FARS2: variants seen among roughly 807,000 people sequenced by gnomAD.
FARS2 encodes phenylalanine--tRNA ligase, mitochondrial.
In FARS2, 40 loss-of-function variants were observed where a neutral mutation model predicts 46.4. The observed-to-expected ratio is 0.86, with a 90% CI of 0.67 to 1.12. The LOEUF (loss-of-function observed/expected upper bound fraction) is 1.12. Ranked by LOEUF, FARS2 falls within the 50% of genes most tolerant of loss-of-function variation. The probability of loss-of-function intolerance (pLI) is 0.00; values close to 1 mark genes in which losing one functional copy is unlikely to be tolerated. For synonymous variants in FARS2, 234 were observed against 214.9 expected (o/e 1.09, Z -0.78); for missense variants, 513 against 567.9 (o/e 0.90, Z 0.98).
intron 4 of FARS2, among the ~76,000 whole-genome samples, chr6:5,493,498 C>T (rs72817750): frequency 0.02 from 3,011 of 152,256 alleles, 40 homozygotes; most frequent in Non-Finnish European, 0.031. Flanking sequence ...GTGTATCGAC[C>T]TCCAAGAGGA....
chr6:5,310,180 CAA>C (rs1241786084), intron 1 of FARS2, among the ~76,000 whole-genome samples: 6 of 151,870 alleles, frequency 4.0e-5, no homozygotes, highest in Admixed American at 6.6e-5. Context: ...TTTAAGGAAA[CAA>C]GAGTAAACAA....
intron 1 of FARS2, among the ~76,000 whole-genome samples, chr6:5,281,061 C>T (rs959485123): frequency 2.0e-5 from 3 of 152,142 alleles, no homozygotes; most frequent in African/African-American, 7.2e-5. Context: ...TTACTTTGTA[C>T]TCGAGTCTTC....
chr6:5,419,538 C>T (rs917209857), intron 3 of FARS2, among the ~76,000 whole-genome samples: 1 of 152,124 alleles, frequency 6.6e-6, no homozygotes, highest in Admixed American at 6.5e-5. Context: ...TCTTACTATT[C>T]ACCCTATAAG....
chr6:5,549,600 A>T (rs1403267368), intron 5 of FARS2, among the ~76,000 whole-genome samples: 1 of 152,114 alleles, frequency 6.6e-6, no homozygotes, highest in Non-Finnish European at 1.5e-5. Flanking sequence ...TTATGATTGT[A>T]TCAAGCCTTG....
chr6:5,684,984 A>G (rs925516118), intron 6 of FARS2, among the ~76,000 whole-genome samples: 1 of 152,132 alleles, frequency 6.6e-6, no homozygotes, highest in South Asian at 2.1e-4. Context: ...AATTTTCTTT[A>G]TAATTTCTCT....
chr6:5,435,767 C>T (rs1420213097), intron 4 of FARS2, among the ~76,000 whole-genome samples: 2 of 152,160 alleles, frequency 1.3e-5, no homozygotes, highest in Admixed American at 1.3e-4. Context: ...AAGGAATTTA[C>T]CATTCCTTGC....
chr6:5,371,282 C>A (rs772294728), intron 2 of FARS2: 1 of 569,596 alleles, frequency 1.8e-6, no homozygotes, highest in Non-Finnish European at 2.2e-6. Flanking sequence ...AATGTTTTTT[C>A]GTCTTTCAGT....
At chr6:5,718,210 GGCCAGTATCA>G (rs1338699994) in intron 6 of FARS2, among the ~76,000 whole-genome samples, 2 of 151,914 alleles carry the variant, frequency 1.3e-5, no homozygotes. Context: ...CACCATGCCC[GGCCAGTATCA>G]GCTATTAAAG....
intron 6 of FARS2, among the ~76,000 whole-genome samples, chr6:5,723,226 C>A (rs758163653): frequency 6.6e-6 from 1 of 152,088 alleles, no homozygotes; most frequent in Non-Finnish European, 1.5e-5. Context: ...CAAGTACGTG[C>A]CCCTGGGTTT....
rs1255081304 is a variant in FARS2, at chr6:5,765,869, G to A, written c.1218-5422G>A. On this transcript the variant is annotated intron_variant, in intron 6 of 6. Coordinates refer to ENST00000274680, the MANE Select transcript of FARS2 (RefSeq NM_006567.5). The surrounding 1 kb of genome is among the most constrained non-coding windows in gnomAD (Gnocchi z 4.0). ...TCCAACTCAGTGACTGAAACATGCT[G>A]TTTGTTGAATAACTAAAGGAATCTA... Among the ~76,000 whole-genome samples the A allele has an allele frequency of 6.6e-6, 1 of 152,138 alleles. No individual in the cohort carries two copies. The highest frequency in any genetic ancestry group is 2.4e-5 in the African/African-American group (1 of 41,422).
At chr6:5,700,643 G>C (rs11962782) in intron 6 of FARS2, among the ~76,000 whole-genome samples, 1 of 152,092 alleles carries the variant, frequency 6.6e-6, no homozygotes, top group African/African-American at 2.4e-5. Context: ...TGATGCACCC[G>C]CCTCGGCCTC....
intron 2 of FARS2, among the ~76,000 whole-genome samples, chr6:5,369,859 G>A (rs1282341543): frequency 2.0e-5 from 3 of 150,192 alleles, no homozygotes; most frequent in Non-Finnish European, 3.0e-5. Context: ...ATCCTAATAC[G>A]TTGTGTGCAT....
intron 4 of FARS2, among the ~76,000 whole-genome samples, chr6:5,541,267 A>G (rs1020423025): frequency 6.6e-6 from 1 of 152,232 alleles, no homozygotes; most frequent in Non-Finnish European, 1.5e-5. Context: ...TGAGAAACTT[A>G]CAGCAATTTG....
chr6:5,350,849 C>T (rs1033512569), intron 1 of FARS2, among the ~76,000 whole-genome samples: 3 of 152,150 alleles, frequency 2.0e-5, no homozygotes, highest in African/African-American at 7.2e-5. Flanking sequence ...TAGTTATGTT[C>T]AAATGAAAAG....
At chr6:5,548,474 G>A (rs1170778985) in intron 5 of FARS2, among the ~76,000 whole-genome samples, 1 of 152,140 alleles carries the variant, frequency 6.6e-6, no homozygotes, top group Non-Finnish European at 1.5e-5. Flanking sequence ...CAATTTCCTT[G>A]TAGACTAATT....
Position 5,366,146 on chromosome 6 carries a change from A to G in FARS2, c.-21-2404A>G, listed in dbSNP as rs73718080. On this transcript the variant is annotated intron_variant, in intron 1 of 6. Transcript: ENST00000274680. ...GTCAGCTATATTTGAATTGCCAAGA[A>G]TTCTGAACTGTCTCATGGCTAGCTA... is the stretch of plus-strand genomic sequence containing the variant. 3.4e-3 allele frequency among the ~76,000 whole-genome samples: 514 copies of G among 152,314 alleles called. 4 individuals are homozygous for G. Among genetic ancestry groups the G allele is most frequent in the African/African-American group, 0.012 (488 of 41,570 alleles).
intron 5 of FARS2, among the ~76,000 whole-genome samples, chr6:5,570,215 C>A (rs1228276557): frequency 6.6e-6 from 1 of 152,174 alleles, no homozygotes; most frequent in Non-Finnish European, 1.5e-5. Context: ...ATAAAATGTT[C>A]TATCTAGAAA....
intron 5 of FARS2, among the ~76,000 whole-genome samples, chr6:5,553,317 A>C (rs1771474752): frequency 6.6e-6 from 1 of 152,218 alleles, no homozygotes. Context: ...AGATGATAAT[A>C]CTGGTAGTTA....
chr6:5,412,317 G>A (rs1409999359), intron 3 of FARS2, among the ~76,000 whole-genome samples: 2 of 152,194 alleles, frequency 1.3e-5, no homozygotes, highest in Non-Finnish European at 2.9e-5. Context: ...GCCCTCCATG[G>A]GCCATTCTGA....
Sources: allele counts gnomAD v4.1 joint callset (sites outside exome capture counted in the v4.1 genomes callset), GRCh38; gene constraint gnomAD v4.1.1; non-coding constraint Gnocchi (gnomAD v3.1); transcripts MANE v1.5; gene names NCBI Gene and HGNC (gene_info 2026-07-23, HGNC 2026-07-21).